The following CREB5 variants were observed in gnomAD, a reference collection of about 807,000 sequenced individuals.
CREB5 encodes the protein cAMP responsive element binding protein 5.
CREB5 carries 19 observed loss-of-function variants against 57.1 expected under a neutral mutation model. The observed-to-expected ratio is 0.33, with a 90% CI of 0.23 to 0.49. The LOEUF (loss-of-function observed/expected upper bound fraction) is 0.49, where lower values mean the gene tolerates loss of function less well. Ranked by LOEUF, CREB5 falls within the 20% of genes least tolerant of loss-of-function variation. The pLI, the probability that CREB5 is intolerant of heterozygous loss-of-function variation, is 0.99. For synonymous variants in CREB5, 238 were observed against 238.3 expected (o/e 1.00, Z 0.01); for missense variants, 579 against 671.6 (o/e 0.86, Z 1.52).
At chr7:28,733,235 G>C (rs1330550243) in intron 7 of CREB5, among the ~76,000 whole-genome samples, 1 of 152,156 alleles carries the variant, frequency 6.6e-6, no homozygotes, top group Admixed American at 6.5e-5. Context: ...GAGCACACTT[G>C]GGTAGAATTT....
At chr7:28,501,598 C>T (rs1792277632) in intron 3 of CREB5, among the ~76,000 whole-genome samples, 1 of 152,176 alleles carries the variant, frequency 6.6e-6, no homozygotes, top group African/African-American at 2.4e-5. Flanking sequence ...ATCAGGGACT[C>T]AGTGGAAAGT....
intron 5 of CREB5, among the ~76,000 whole-genome samples, chr7:28,646,528 G>A (rs1798895758): frequency 6.6e-6 from 1 of 152,186 alleles, no homozygotes; most frequent in Non-Finnish European, 1.5e-5. Context: ...TGTTAACAGT[G>A]CAAAAGGTCA....
intron 7 of CREB5, among the ~76,000 whole-genome samples, chr7:28,795,312 C>CTCA (rs1338512493): frequency 6.6e-6 from 1 of 152,136 alleles, no homozygotes; most frequent in African/African-American, 2.4e-5. Flanking sequence ...TGCTCAATTT[C>CTCA]TCATTAGACA....
At chr7:28,697,482 A>T (rs948135912) in intron 5 of CREB5, among the ~76,000 whole-genome samples, 1 of 152,170 alleles carries the variant, frequency 6.6e-6, no homozygotes, top group East Asian at 1.9e-4. Context: ...TGACTGGTCC[A>T]TATCTCCTCC....
chr7:28,412,927 A>G lies in CREB5; in HGVS notation c.3+10A>G. 1 of 1,471,608 alleles carries G rather than the reference A, an allele frequency of 6.8e-7. No homozygotes were observed. Among genetic ancestry groups the G allele is most frequent in the Non-Finnish European group, 9.0e-7 (1 of 1,106,118 alleles). 91.2% of individuals were successfully genotyped at this position (1,471,608 alleles called of 1,614,324 possible). ...TATTCTACAGATAATGGTAAGGATG[A>G]TGTTTATTATGCATATTAAACAGAG... On this transcript the variant is annotated intron_variant, in intron 1 of 10. Transcript: ENST00000357727.
intron 5 of CREB5, among the ~76,000 whole-genome samples, chr7:28,625,654 G>C (rs1797972359): frequency 6.6e-6 from 1 of 152,118 alleles, no homozygotes; most frequent in Admixed American, 6.5e-5. Context: ...GATCCACAGG[G>C]GAAAAAAGTT....
At chr7:28,810,455 T>G (rs1809045483) in intron 9 of CREB5, among the ~76,000 whole-genome samples, 1 of 151,874 alleles carries the variant, frequency 6.6e-6, no homozygotes, top group Admixed American at 6.6e-5. Context: ...GCTGATCACT[T>G]TGGGAGGTGG....
chr7:28,308,776 A>G (rs761956657), intron 1 of CREB5, among the ~76,000 whole-genome samples: 1 of 152,060 alleles, frequency 6.6e-6, no homozygotes, highest in Non-Finnish European at 1.5e-5. Context: ...GACCTTTTAG[A>G]CTTCCGGTTT....
intron 5 of CREB5, among the ~76,000 whole-genome samples, chr7:28,675,210 T>C (rs1427607586): frequency 1.3e-5 from 2 of 152,254 alleles, no homozygotes; most frequent in Non-Finnish European, 2.9e-5. Context: ...ATTATCACGA[T>C]CTAAAGTAAG....
chr7:28,715,971 C>A lies in CREB5; in HGVS notation c.465-2782C>A, dbSNP rs144904115. ...AGGTCTCTACAAAGTGTAGAAATAA[C>A]CTACCTAATAAGAACACTGAATTAA... is the stretch of plus-strand genomic sequence containing the variant. On this transcript the variant is annotated intron_variant, in intron 5 of 10. Coordinates refer to ENST00000357727, the MANE Select transcript of CREB5 (RefSeq NM_182898.4). Among the ~76,000 whole-genome samples the A allele has an allele frequency of 9.1e-3, 1,379 of 152,180 alleles. 63 individuals carry two copies. The highest frequency in any genetic ancestry group is 0.081 in the Admixed American group (1,243 of 15,286).
chr7:28,562,053 C>T (rs1308587868), intron 4 of CREB5, among the ~76,000 whole-genome samples: 1 of 152,176 alleles, frequency 6.6e-6, no homozygotes, highest in Non-Finnish European at 1.5e-5. Flanking sequence ...CCAATTACAT[C>T]ATTTTTAATG....
chr7:28,365,794 A>AT (rs931171196), intron 1 of CREB5, among the ~76,000 whole-genome samples: 46 of 151,440 alleles, frequency 3.0e-4, no homozygotes, highest in Middle Eastern at 3.4e-3. Context: ...TCTTTAAAAT[A>AT]TTTTTTTTTC....
intron 3 of CREB5, among the ~76,000 whole-genome samples, chr7:28,500,405 G>A (rs1792229746): frequency 6.6e-6 from 1 of 152,224 alleles, no homozygotes; most frequent in South Asian, 2.1e-4. Context: ...AGCTGACGCT[G>A]AAGAGAGGCA....
chr7:28,358,841 G>A (rs1860759), intron 1 of CREB5, among the ~76,000 whole-genome samples: 79,620 of 152,000 alleles, frequency 0.52, 21,028 homozygotes, highest in East Asian at 0.69. Flanking sequence ...GATGAAGCCT[G>A]AAGGATTCTT....
At chr7:28,672,959 T>A (rs1046842244) in intron 5 of CREB5, among the ~76,000 whole-genome samples, 1 of 152,212 alleles carries the variant, frequency 6.6e-6, no homozygotes, top group South Asian at 2.1e-4. Flanking sequence ...ATTTGGCCTC[T>A]TAGATTACCT....
At chr7:28,764,456 T>C (rs554034952) in intron 7 of CREB5, among the ~76,000 whole-genome samples, 1 of 152,218 alleles carries the variant, frequency 6.6e-6, no homozygotes, top group South Asian at 2.1e-4. Context: ...GCTATAAAAT[T>C]CATAATGTTT....
In CREB5 at chr7:28,563,368, T is replaced by C. The variant is rs981655957; in HGVS notation, c.292-6997T>C. On this transcript the variant is annotated intron_variant, in intron 4 of 10. Coordinates refer to ENST00000357727, the MANE Select transcript of CREB5 (RefSeq NM_182898.4). ...ATCTCCATTTTAAAGATGAGAAAGG[T>C]ATGGCTCAGAGAACTTAAATTTTGT... 3.3e-5 allele frequency among the ~76,000 whole-genome samples: 5 copies of C among 152,200 alleles called. 1 individual carries two copies. In the South Asian group the frequency reaches 8.3e-4, roughly 25 times the overall value.
At chr7:28,410,156 C>A, upstream of CREB5, 1 of 404,056 alleles carries the variant, frequency 2.5e-6, no homozygotes. Flanking sequence ...AGCGGGTGGG[C>A]GCGCGCCCGG....
At chr7:28,515,759 G>T (rs955157654) in intron 4 of CREB5, among the ~76,000 whole-genome samples, 7 of 152,042 alleles carry the variant, frequency 4.6e-5, no homozygotes, top group Non-Finnish European at 7.4e-5. Flanking sequence ...ACTTCGTACT[G>T]GGTTATTGCT....
Sources: gnomAD v4.1 joint callset for allele counts (sites outside exome capture counted in the v4.1 genomes callset) on GRCh38, gnomAD v4.1.1 for gene constraint, MANE v1.5 for transcripts, NCBI Gene and HGNC (gene_info 2026-07-23, HGNC 2026-07-21) for gene names.